Variants in LIMCH1 observed in about 807,000 individuals in gnomAD.
LIMCH1 encodes LIM and calponin homology domains-containing protein 1.
In LIMCH1, 113 loss-of-function variants were observed where a neutral mutation model predicts 176.5. The ratio of observed to expected loss-of-function variants is 0.64; its 90% confidence interval spans 0.55 to 0.75. The LOEUF (loss-of-function observed/expected upper bound fraction) is 0.75. LIMCH1 is among the 30% of genes least tolerant of loss of function. The pLI is 0.00. For missense variants in LIMCH1, 1,674 were observed against 1,814.9 expected (o/e 0.92, Z 1.41); for synonymous variants, 619 against 645.9 (o/e 0.96, Z 0.63).
At chr4:41,675,037 A>G (rs1409626366) in intron 22 of LIMCH1, among the ~76,000 whole-genome samples, 1 of 152,208 alleles carries the variant, frequency 6.6e-6, no homozygotes, top group African/African-American at 2.4e-5. Flanking sequence ...TCCCTAGATT[A>G]TTGGCCCACT....
At chr4:41,588,258 C>G (rs2086842636) in intron 1 of LIMCH1, among the ~76,000 whole-genome samples, 1 of 152,066 alleles carries the variant, frequency 6.6e-6, no homozygotes, top group Non-Finnish European at 1.5e-5. Flanking sequence ...TTTTTAGATA[C>G]AGAATATGGG....
chr4:41,501,990 C>G (rs1372818752), intron 2 of LIMCH1, among the ~76,000 whole-genome samples: 3 of 147,450 alleles, frequency 2.0e-5, no homozygotes, highest in Non-Finnish European at 4.5e-5. Flanking sequence ...CTGCATAGAT[C>G]AACCCATCAC....
chr4:41,489,620 T>C (rs2070368061), intron 1 of LIMCH1, among the ~76,000 whole-genome samples: 1 of 152,210 alleles, frequency 6.6e-6, no homozygotes, highest in South Asian at 2.1e-4. Flanking sequence ...TAGCTTAGAA[T>C]TTAATTCCAT....
At chr4:41,600,188 A>G (rs925630573) in intron 2 of LIMCH1, among the ~76,000 whole-genome samples, 1 of 152,170 alleles carries the variant, frequency 6.6e-6, no homozygotes, top group African/African-American at 2.4e-5. Flanking sequence ...TCTTGGAAAA[A>G]TTTTAACTAA....
chr4:41,484,798 C>T (rs557788203), intron 1 of LIMCH1, among the ~76,000 whole-genome samples: 1 of 152,246 alleles, frequency 6.6e-6, no homozygotes, highest in African/African-American at 2.4e-5. Flanking sequence ...ACAGAATCTC[C>T]TCTTAAGATC....
intron 4 of LIMCH1, among the ~76,000 whole-genome samples, chr4:41,606,453 G>A (rs1166305919): frequency 6.6e-6 from 1 of 152,156 alleles, no homozygotes; most frequent in African/African-American, 2.4e-5. Context: ...TCTTACCTTG[G>A]CATACGCTCT....
chr4:41,550,096 C>T (rs141082746), intron 1 of LIMCH1, among the ~76,000 whole-genome samples: 81 of 151,762 alleles, frequency 5.3e-4, no homozygotes, highest in Non-Finnish European at 8.7e-4. Flanking sequence ...TTGTAAGAGA[C>T]GGCAGGCTTC....
In LIMCH1 at chr4:41,372,630, A is replaced by G. The variant is rs570152126; in HGVS notation, c.96+11694A>G. Among the ~76,000 whole-genome samples the G allele has an allele frequency of 9.2e-5, 14 of 152,312 alleles. No homozygotes were observed. The South Asian group carries it at 1.0e-3, about 11-fold the overall frequency. On this transcript the variant is annotated intron_variant, in intron 1 of 26. Coordinates refer to the LIMCH1 transcript ENST00000313860. ...TTTCTTTAGGAATTTCACATTTCCT[A>G]TCTGCTATCAGAAGACCTTGGACAA...
intron 1 of LIMCH1, among the ~76,000 whole-genome samples, chr4:41,372,141 C>G (rs2054065211): frequency 6.6e-6 from 1 of 152,194 alleles, no homozygotes; most frequent in African/African-American, 2.4e-5. Flanking sequence ...ATTTTCCTCT[C>G]ATCTCCATAA....
intron 25 of LIMCH1, among the ~76,000 whole-genome samples, chr4:41,681,704 G>T (rs1369560540): frequency 6.6e-6 from 1 of 152,038 alleles, no homozygotes; most frequent in Non-Finnish European, 1.5e-5. Flanking sequence ...AAAAACTAAT[G>T]CATGCTGGGC....
At chr4:41,659,208 G>A (rs1427778945) in intron 18 of LIMCH1, among the ~76,000 whole-genome samples, 22 of 152,104 alleles carry the variant, frequency 1.4e-4, no homozygotes. Flanking sequence ...TAAGTCTCTT[G>A]CAGGGATTCA....
intron 7 of LIMCH1, among the ~76,000 whole-genome samples, chr4:41,623,547 CAGG>C (rs1256179204): frequency 1.3e-5 from 2 of 152,056 alleles, no homozygotes; most frequent in African/African-American, 4.8e-5. Flanking sequence ...CACTTGAGGT[CAGG>C]AGTTCAAGAC....
intron 1 of LIMCH1, among the ~76,000 whole-genome samples, chr4:41,384,118 T>C (rs1375112543): frequency 6.6e-6 from 1 of 151,954 alleles, no homozygotes; most frequent in East Asian, 1.9e-4. Flanking sequence ...AGTAGAATGG[T>C]GGGGCAGAAG....
intron 1 of LIMCH1, among the ~76,000 whole-genome samples, chr4:41,381,965 A>T (rs376805281): frequency 1.3e-4 from 20 of 152,344 alleles, no homozygotes; most frequent in East Asian, 9.6e-4. Flanking sequence ...CAAAGGTGTG[A>T]CAACCAAAAA....
intron 2 of LIMCH1, among the ~76,000 whole-genome samples, chr4:41,602,527 A>G (rs1428378461): frequency 6.6e-6 from 1 of 152,210 alleles, no homozygotes; most frequent in Non-Finnish European, 1.5e-5. Flanking sequence ...AATCTTTTAT[A>G]GATTTTTAAA....
intron 3 of LIMCH1, among the ~76,000 whole-genome samples, chr4:41,526,546 G>A (rs4861118): frequency 0.52 from 78,447 of 151,832 alleles, 23,342 homozygotes; most frequent in African/African-American, 0.83. Context: ...TTATGTTCAT[G>A]TACTTCCACG....
At chr4:41,444,302 G>T (rs904473497) in intron 1 of LIMCH1, among the ~76,000 whole-genome samples, 2 of 101,508 alleles carry the variant, frequency 2.0e-5, no homozygotes, top group African/African-American at 1.1e-4. Context: ...GTGAGTGTGT[G>T]TGTATATATA....
intron 1 of LIMCH1, among the ~76,000 whole-genome samples, chr4:41,403,912 A>T (rs1475059540): frequency 6.6e-6 from 1 of 152,210 alleles, no homozygotes; most frequent in Admixed American, 6.5e-5. Flanking sequence ...TTAAAAGAGT[A>T]TTATAAAAAA....
At chr4:41,426,232 G>A (rs1054077462) in intron 1 of LIMCH1, among the ~76,000 whole-genome samples, 8 of 151,350 alleles carry the variant, frequency 5.3e-5, no homozygotes, top group Non-Finnish European at 1.0e-4. Context: ...CGTTTTAGCC[G>A]GGATGGTCTC....
Sources: gnomAD v4.1 joint callset for allele counts (sites outside exome capture counted in the v4.1 genomes callset) on GRCh38, gnomAD v4.1.1 for gene constraint, MANE v1.5 for transcripts, NCBI Gene and HGNC (gene_info 2026-07-23, HGNC 2026-07-21) for gene names.